The following PLEKHA7 variants were observed in gnomAD, a reference collection of about 807,000 sequenced individuals.
PLEKHA7 encodes pleckstrin homology domain-containing family A member 7.
PLEKHA7 carries 104 observed loss-of-function variants against 170.0 expected under a neutral mutation model. The observed-to-expected ratio is 0.61, with a 90% CI of 0.52 to 0.72. The LOEUF is 0.72. PLEKHA7 is among the 30% of genes least tolerant of loss of function. The pLI is 0.00. For missense variants in PLEKHA7, 1,615 were observed against 1,671.7 expected, an observed-to-expected ratio of 0.97 and a Z score of 0.59; for synonymous variants, 648 against 660.8, an observed-to-expected ratio of 0.98 and a Z score of 0.30.
intron 9 of PLEKHA7, among the ~76,000 whole-genome samples, chr11:16,829,584 C>T (rs548230163): frequency 9.9e-5 from 15 of 152,132 alleles, no homozygotes; most frequent in Admixed American, 4.6e-4. Flanking sequence ...AAGACCAGCC[C>T]GACCAACATG....
At chr11:16,877,207 G>A (rs1590429682) in intron 3 of PLEKHA7, among the ~76,000 whole-genome samples, 2 of 151,910 alleles carry the variant, frequency 1.3e-5, no homozygotes, top group East Asian at 1.9e-4. Flanking sequence ...CTGCAGGCCT[G>A]CAGCCACATT....
At chr11:16,969,082 G>A (rs934215989) in intron 3 of PLEKHA7, among the ~76,000 whole-genome samples, 3 of 152,168 alleles carry the variant, frequency 2.0e-5, no homozygotes, top group Admixed American at 6.5e-5. Context: ...GTTTTAGGGT[G>A]TGTGGGAGGA....
intron 3 of PLEKHA7, among the ~76,000 whole-genome samples, chr11:16,914,483 A>G (rs1436428263): frequency 6.6e-6 from 1 of 152,210 alleles, no homozygotes; most frequent in Non-Finnish European, 1.5e-5. Flanking sequence ...CAGCCACCAG[A>G]AAAACACTGA....
chr11:16,918,554 C>G (rs1018593793), intron 3 of PLEKHA7, among the ~76,000 whole-genome samples: 1 of 152,218 alleles, frequency 6.6e-6, no homozygotes, highest in Non-Finnish European at 1.5e-5. Context: ...CCCGTTGATA[C>G]TGACCAGCTG....
At chr11:16,945,357 A>G (rs1054093400) in intron 3 of PLEKHA7, among the ~76,000 whole-genome samples, 1 of 152,216 alleles carries the variant, frequency 6.6e-6, no homozygotes, top group Non-Finnish European at 1.5e-5. Context: ...AGTGTATTCT[A>G]CTAGCCAGTA....
intron 10 of PLEKHA7, among the ~76,000 whole-genome samples, chr11:16,823,582 G>A (rs765732675): frequency 3.9e-5 from 6 of 152,112 alleles, no homozygotes; most frequent in East Asian, 1.9e-4. Context: ...CACTTTCCTC[G>A]CCAAGCTCAT....
intron 3 of PLEKHA7, among the ~76,000 whole-genome samples, chr11:16,876,089 C>A (rs75547162): frequency 6.6e-6 from 1 of 152,128 alleles, no homozygotes; most frequent in African/African-American, 2.4e-5. Context: ...AGTCCTCTGG[C>A]TTTACTCGCT....
At chr11:16,847,572 A>G (rs1049362234) in intron 8 of PLEKHA7, among the ~76,000 whole-genome samples, 1 of 152,124 alleles carries the variant, frequency 6.6e-6, no homozygotes, top group African/African-American at 2.4e-5. Flanking sequence ...GCTCACGCCT[A>G]TAATCTCAGC....
chr11:16,997,025 G>A (rs1864383525), intron 3 of PLEKHA7, among the ~76,000 whole-genome samples: 1 of 152,158 alleles, frequency 6.6e-6, no homozygotes, highest in Non-Finnish European at 1.5e-5. Flanking sequence ...GAGCTACCAG[G>A]CCCAAGCAAG....
chr11:16,790,677 T>A (rs1847777168), intron 21 of PLEKHA7, 121 bp downstream of exon 21: 3 of 976,360 alleles, frequency 3.1e-6, no homozygotes, highest in Non-Finnish European at 4.5e-6. Flanking sequence ...CAGACCCCCC[T>A]GACAGCTGCT....
At chr11:16,835,162 T>C (rs1021298342) in intron 9 of PLEKHA7, among the ~76,000 whole-genome samples, 8 of 152,188 alleles carry the variant, frequency 5.3e-5, no homozygotes, top group Admixed American at 2.6e-4. Flanking sequence ...TCCTAGCTAT[T>C]TGGGAGGCTG....
chr11:16,973,660 G>A (rs1055030168), intron 3 of PLEKHA7, among the ~76,000 whole-genome samples: 1 of 152,134 alleles, frequency 6.6e-6, no homozygotes, highest in African/African-American at 2.4e-5. Context: ...GGGGATCAGT[G>A]AGGGACAGGA....
chr11:16,780,191 G>A (rs1309768552), intron 26 of PLEKHA7, among the ~76,000 whole-genome samples: 5 of 152,190 alleles, frequency 3.3e-5, no homozygotes, highest in African/African-American at 7.2e-5. Flanking sequence ...CAGGTGAACC[G>A]CTGGGCTCAA....
rs936635101 is a variant in PLEKHA7 at position 16,778,804 on chromosome 11, G to A, written c.*194C>T. ...TGCCTTTGCCATTCATATGTAGAGAGGAGTCTGAGCTAAACTAGTGGGTGC... is the reference window on the plus strand; with the variant it reads ...TGCCTTTGCCATTCATATGTAGAGAAGAGTCTGAGCTAAACTAGTGGGTGC... On this transcript the variant is annotated 3_prime_UTR_variant, in exon 27 of 27. Coordinates refer to ENST00000531066, the MANE Select transcript of PLEKHA7 (RefSeq NM_001329630.2). The A allele has an allele frequency of 1.6e-6, 1 of 613,180 alleles. No homozygotes were observed. Among genetic ancestry groups the A allele is most frequent in the Non-Finnish European group, 2.9e-6 (1 of 341,584 alleles). The allele number at this position is 613,180 out of a possible 1,614,324, so 38.0% of individuals were successfully genotyped here.
chr11:16,787,100 A>G, intron 23 of PLEKHA7: 1 of 985,464 alleles, frequency 1.0e-6, no homozygotes. Context: ...CCCAAGAGGG[A>G]AAATCTAACC....
At chr11:16,818,416 C>G (rs1358280876) in intron 10 of PLEKHA7, among the ~76,000 whole-genome samples, 2 of 152,244 alleles carry the variant, frequency 1.3e-5, no homozygotes, top group African/African-American at 4.8e-5. Context: ...CTTCCCTCCC[C>G]CTGCCTGGAT....
chr11:16,884,603 C>G (rs1048766692), intron 3 of PLEKHA7, among the ~76,000 whole-genome samples: 1 of 151,668 alleles, frequency 6.6e-6, no homozygotes, highest in Non-Finnish European at 1.5e-5. Context: ...TCACTGCACT[C>G]CAGCCTGGAC....
intron 17 of PLEKHA7, among the ~76,000 whole-genome samples, chr11:16,799,715 T>C (rs896520708): frequency 6.6e-6 from 1 of 152,216 alleles, no homozygotes; most frequent in African/African-American, 2.4e-5. Flanking sequence ...TTACGGTAAA[T>C]GCTGCGGCTA....
At chr11:16,825,989 A>G (rs1269569495) in intron 10 of PLEKHA7, 131 bp downstream of exon 10, 4 of 955,350 alleles carry the variant, frequency 4.2e-6, no homozygotes, top group Non-Finnish European at 4.8e-6. Context: ...GGGTTGTTAC[A>G]GGGATTTACG....
Sources: allele counts gnomAD v4.1 joint callset (sites outside exome capture counted in the v4.1 genomes callset), GRCh38; gene constraint gnomAD v4.1.1; transcripts MANE v1.5; gene names NCBI Gene and HGNC (gene_info 2026-07-23, HGNC 2026-07-21).